Variants in LCOR observed in about 807,000 individuals in gnomAD.
The protein encoded by LCOR is ligand dependent nuclear receptor corepressor.
In LCOR, 14 loss-of-function variants were observed where a neutral mutation model predicts 64.4. The ratio of observed to expected loss-of-function variants is 0.22; its 90% CI spans 0.14 to 0.34. LCOR has a LOEUF of 0.34. Among genes scored for constraint, LCOR ranks in the 10% least tolerant of loss-of-function variants. The probability of loss-of-function intolerance (pLI) is 1.00; values close to 1 mark genes in which losing one functional copy is unlikely to be tolerated. For synonymous variants in LCOR, 643 were observed against 642.5 expected (o/e 1.00, Z -0.01); for missense variants, 1,686 against 1,765.3 (o/e 0.96, Z 0.80).
chr10:96,846,330 C>T (rs1251342449), intron 2 of LCOR, among the ~76,000 whole-genome samples: 1 of 152,054 alleles, frequency 6.6e-6, no homozygotes, highest in Non-Finnish European at 1.5e-5. Context: ...TCTAGGCTCA[C>T]TGCAGTTTTA....
Position 96,980,779 on chromosome 10 carries a change from C to G in LCOR, c.333-14C>G, listed in dbSNP as rs1322545530. The G allele has an allele frequency of 4.5e-6, 3 of 666,112 alleles. No homozygotes were observed. The highest frequency in any genetic ancestry group is 3.2e-5 in the South Asian group (2 of 62,230). The allele number at this position is 666,112 out of a possible 1,614,324, so 41.3% of individuals were successfully genotyped here. On this transcript the variant is annotated splice_polypyrimidine_tract_variant and intron_variant, in intron 7 of 7. Transcript: ENST00000421806. ...ATGACAATACTAATTCCTTCTTTCT[C>G]TTTCTCTGTCTAGTGAGAACTCAAC...
chr10:96,883,514 T>G (rs908797281), intron 2 of LCOR, among the ~76,000 whole-genome samples: 4 of 152,240 alleles, frequency 2.6e-5, no homozygotes, highest in African/African-American at 7.2e-5. Context: ...CAGCATTTGG[T>G]GTTGTCCGTG....
chr10:96,941,790 TCA>T (rs1288394293), intron 4 of LCOR, among the ~76,000 whole-genome samples: 1 of 142,872 alleles, frequency 7.0e-6, no homozygotes, highest in African/African-American at 2.6e-5. Flanking sequence ...GAGGCGCTCC[TCA>T]CATCCCAGAC....
intron 2 of LCOR, among the ~76,000 whole-genome samples, chr10:96,897,538 C>T (rs996657545): frequency 6.6e-6 from 1 of 152,222 alleles, no homozygotes; most frequent in Non-Finnish European, 1.5e-5. Context: ...TAGCTACTCA[C>T]TACCTCTGTG....
At chr10:96,913,968 A>G (rs1846892547) in intron 4 of LCOR, among the ~76,000 whole-genome samples, 1 of 152,156 alleles carries the variant, frequency 6.6e-6, no homozygotes, top group Non-Finnish European at 1.5e-5. Context: ...CTGGATGAGC[A>G]GAGATGAAAG....
intron 2 of LCOR, among the ~76,000 whole-genome samples, chr10:96,870,544 C>A (rs1353479830): frequency 6.6e-6 from 1 of 152,186 alleles, no homozygotes; most frequent in African/African-American, 2.4e-5. Context: ...CTCTTCAGAT[C>A]TTGTAGACTA....
At chr10:96,875,382 A>T (rs904842217) in intron 2 of LCOR, among the ~76,000 whole-genome samples, 102 of 151,788 alleles carry the variant, frequency 6.7e-4, no homozygotes, top group African/African-American at 2.4e-3. Flanking sequence ...CAAATAAAAA[A>T]AAAAATAATA....
At chr10:96,842,755 C>T (rs192653725) in intron 2 of LCOR, among the ~76,000 whole-genome samples, 34 of 151,528 alleles carry the variant, frequency 2.2e-4, no homozygotes, top group East Asian at 9.8e-4. Flanking sequence ...CTCAGCCTTC[C>T]GAGTAGCCGG....
intron 2 of LCOR, among the ~76,000 whole-genome samples, chr10:96,856,349 C>T (rs538047138): frequency 5.3e-4 from 81 of 152,330 alleles, no homozygotes; most frequent in South Asian, 2.5e-3. Flanking sequence ...GCATGAGCCA[C>T]GGCGCCCAGC....
rs138132063 is a variant in LCOR, at chr10:96,875,245, G to A, written c.-329-32020G>A. ...TAAAAATACAAAAAGTTAGCCGAGCGTGGTGGCAGGTGCCTGTTGTCCCAG... is the reference window on the plus strand; with the variant it reads ...TAAAAATACAAAAAGTTAGCCGAGCATGGTGGCAGGTGCCTGTTGTCCCAG... On this transcript the variant is annotated intron_variant, in intron 2 of 7. Coordinates refer to ENST00000421806, the MANE Select transcript of LCOR (RefSeq NM_001346516.2). Among the ~76,000 whole-genome samples, 536 of 152,022 alleles carry A rather than the reference G, an allele frequency of 3.5e-3. 3 individuals carry two copies. The highest frequency in any genetic ancestry group is 0.014 in the East Asian group (74 of 5,140).
Position 96,949,201 on chromosome 10 carries a change from T to C in LCOR, c.144T>C (p.Thr48=), listed in dbSNP as rs1169883345. The C allele has an allele frequency of 4.3e-6, 7 of 1,614,110 alleles. No homozygotes were observed. Among genetic ancestry groups the C allele is most frequent in the Non-Finnish European group, 5.1e-6 (6 of 1,180,010 alleles). Residue 48 remains threonine (T), a synonymous_variant, in exon 6 of 8, where the codon ACT becomes ACC. Transcript: ENST00000421806. ...CCACCTCTCCCACGGCTGCAACTACTCAGAACCCTGTGCTCAGCAAACTTC... is the reference window on the plus strand; with the variant it reads ...CCACCTCTCCCACGGCTGCAACTACCCAGAACCCTGTGCTCAGCAAACTTC... The part of the protein sequence containing the change: ...PVTTSPTAAT[T]QNPVLSKLLM...
In LCOR at chr10:96,987,194, G is replaced by T. The variant is rs1293256492; in HGVS notation, c.*2060G>T. ...TTGCACAGAGGCATTAATGTGTTTT[G>T]AATAGGTTCATTTAATCTTAAAAAA... On this transcript the variant is annotated 3_prime_UTR_variant, in exon 8 of 8. Coordinates refer to ENST00000421806, the MANE Select transcript of LCOR (RefSeq NM_001346516.2). 4 of 152,206 alleles carry T rather than the reference G, an allele frequency of 2.6e-5. No individual in the cohort carries two copies. Among genetic ancestry groups the T allele is most frequent in the Non-Finnish European group, 5.9e-5 (4 of 68,052 alleles). The allele number at this position is 152,206 out of a possible 1,614,324, so 9.4% of individuals were successfully genotyped here.
rs573535297 is a variant in LCOR, at chr10:96,994,202, G to A, written c.*9068G>A. 6.6e-6 allele frequency: 1 copy of A among 152,210 alleles called. No homozygotes were observed. Among genetic ancestry groups the A allele is most frequent in the African/African-American group, 2.4e-5 (1 of 41,490 alleles). The allele number at this position is 152,210 out of a possible 1,614,324, so 9.4% of individuals were successfully genotyped here. ...GACTTGTTACAACAGAAATTTAAGT[G>A]GCCAGTTCAATGTCCTTTGGCTATA... On this transcript the variant is annotated 3_prime_UTR_variant, in exon 8 of 8. Coordinates refer to ENST00000421806, the MANE Select transcript of LCOR (RefSeq NM_001346516.2).
intron 7 of LCOR, chr10:96,955,596 C>T: frequency 6.2e-7 from 1 of 1,614,134 alleles, no homozygotes; most frequent in Non-Finnish European, 8.5e-7. Context: ...ACAGCCATAT[C>T]CCACATCGGA....
intron 2 of LCOR, among the ~76,000 whole-genome samples, chr10:96,876,440 T>C (rs1320619873): frequency 6.6e-6 from 1 of 152,154 alleles, no homozygotes; most frequent in Non-Finnish European, 1.5e-5. Flanking sequence ...ATAGCACATA[T>C]TGAAATGGGA....
chr10:96,897,101 CAAAAA>C (rs370380714), intron 2 of LCOR, among the ~76,000 whole-genome samples: 15 of 78,856 alleles, frequency 1.9e-4, no homozygotes, highest in Non-Finnish European at 3.9e-4. Flanking sequence ...GAAAGAAAAG[CAAAAA>C]AAAAAAAAAA....
At chr10:96,863,311 C>G (rs1450669113) in intron 2 of LCOR, among the ~76,000 whole-genome samples, 1 of 149,088 alleles carries the variant, frequency 6.7e-6, no homozygotes, top group African/African-American at 2.5e-5. Context: ...TCAAGTGATT[C>G]TCCTGCCTCA....
chr10:96,906,463 CCTCCTTACTCT>C (rs1359171398), intron 2 of LCOR, among the ~76,000 whole-genome samples: 3 of 152,138 alleles, frequency 2.0e-5, no homozygotes, highest in African/African-American at 7.2e-5. Flanking sequence ...CTCTTGTTTT[CCTCCTTACTCT>C]CTTGACCCAT....
At chr10:96,852,953 A>G (rs570747435) in intron 2 of LCOR, among the ~76,000 whole-genome samples, 87 of 152,366 alleles carry the variant, frequency 5.7e-4, no homozygotes, top group African/African-American at 2.0e-3. Context: ...GTTGAAGTTA[A>G]ACATTGGTTC....
Sources: gnomAD v4.1 joint callset for allele counts (sites outside exome capture counted in the v4.1 genomes callset) on GRCh38, gnomAD v4.1.1 for gene constraint, MANE v1.5 for transcripts, NCBI Gene and HGNC (gene_info 2026-07-23, HGNC 2026-07-21) for gene names.